The following TRIM2 variants were observed in gnomAD, a reference collection of about 807,000 sequenced individuals.
The protein encoded by TRIM2 is tripartite motif containing 2.
Under a neutral mutation model 75.2 loss-of-function variants are expected in TRIM2, and 20 were observed. The ratio of observed to expected loss-of-function variants is 0.27; its 90% CI spans 0.19 to 0.39. The LOEUF (loss-of-function observed/expected upper bound fraction) is 0.39, where lower values mean the gene tolerates loss of function less well. TRIM2 is among the 10% of genes least tolerant of loss of function. TRIM2 has a pLI of 1.00. For missense variants in TRIM2, 660 were observed against 990.8 expected (o/e 0.67, Z 4.48); for synonymous variants, 373 against 388.3 (o/e 0.96, Z 0.46).
At chr4:153,283,540 A>G (rs1389100425) in intron 3 of TRIM2, among the ~76,000 whole-genome samples, 1 of 152,132 alleles carries the variant, frequency 6.6e-6, no homozygotes, top group Non-Finnish European at 1.5e-5. Context: ...TTGTGTAGAC[A>G]TATGCTTTCA....
chr4:153,222,137 A>G (rs1187543678), intron 1 of TRIM2: 2 of 147,030 alleles, frequency 1.4e-5, no homozygotes, highest in South Asian at 2.2e-4. Flanking sequence ...GCCTAAAGAG[A>G]CAGTCATGAC....
At chr4:153,179,752 G>A (rs556463949) in intron 1 of TRIM2, among the ~76,000 whole-genome samples, 231 of 152,242 alleles carry the variant, frequency 1.5e-3, no homozygotes, top group African/African-American at 5.2e-3. Flanking sequence ...TTTTAAAGGG[G>A]TGTTTAGAAA....
chr4:153,333,032 A>T (rs1771836820), intron 11 of TRIM2, among the ~76,000 whole-genome samples: 1 of 152,236 alleles, frequency 6.6e-6, no homozygotes, highest in Non-Finnish European at 1.5e-5. Flanking sequence ...TGTTCATAGA[A>T]GATTTATTTG....
chr4:153,193,839 A>G (rs1397942145), intron 1 of TRIM2, among the ~76,000 whole-genome samples: 1 of 152,156 alleles, frequency 6.6e-6, no homozygotes, highest in Non-Finnish European at 1.5e-5. Context: ...GATGCTGCAG[A>G]GGAGGCAGTG....
chr4:153,333,483 T>C (rs78461869), intron 11 of TRIM2, among the ~76,000 whole-genome samples: 1,725 of 152,280 alleles, frequency 0.011, 31 homozygotes, highest in East Asian at 0.082. Flanking sequence ...ACCATAATTA[T>C]AGAAGATGTG....
intron 1 of TRIM2, among the ~76,000 whole-genome samples, chr4:153,244,601 G>C (rs75856020): frequency 6.6e-6 from 1 of 151,498 alleles, no homozygotes; most frequent in Non-Finnish European, 1.5e-5. Context: ...TTGATTCTTG[G>C]AATGGATTTA....
At chr4:153,312,714 T>A (rs988501295) in intron 6 of TRIM2, among the ~76,000 whole-genome samples, 3 of 152,062 alleles carry the variant, frequency 2.0e-5, no homozygotes, top group Non-Finnish European at 4.4e-5. Flanking sequence ...TGGGTATATA[T>A]CCAAAGGACT....
chr4:153,189,175 G>A (rs1732927971), intron 1 of TRIM2, among the ~76,000 whole-genome samples: 1 of 152,200 alleles, frequency 6.6e-6, no homozygotes, highest in African/African-American at 2.4e-5. Context: ...TAACTAGAAT[G>A]CTGTTGGCTT....
chr4:153,155,458 G>T (rs1441317190), intron 1 of TRIM2, among the ~76,000 whole-genome samples: 1 of 152,174 alleles, frequency 6.6e-6, no homozygotes, highest in Non-Finnish European at 1.5e-5. Context: ...AAATAATGAG[G>T]TGGAAAGAGG....
At chr4:153,313,221 G>A (rs1260714751) in intron 6 of TRIM2, among the ~76,000 whole-genome samples, 1 of 152,060 alleles carries the variant, frequency 6.6e-6, no homozygotes, top group Admixed American at 6.5e-5. Flanking sequence ...CATATTATGG[G>A]GATTCTATGT....
intron 1 of TRIM2, among the ~76,000 whole-genome samples, chr4:153,191,359 A>G (rs1342718512): frequency 1.3e-5 from 2 of 152,288 alleles, no homozygotes; most frequent in Non-Finnish European, 2.9e-5. Flanking sequence ...GCAAGATCAT[A>G]TAGCACAAAC....
chr4:153,304,393 C>T (rs1450763452), intron 6 of TRIM2, among the ~76,000 whole-genome samples: 5 of 151,974 alleles, frequency 3.3e-5, no homozygotes, highest in East Asian at 1.9e-4. Context: ...GGATTACAGG[C>T]GTGAGCCACC....
chr4:153,306,111 A>G (rs916259873), intron 6 of TRIM2, among the ~76,000 whole-genome samples: 25 of 151,622 alleles, frequency 1.6e-4, no homozygotes, highest in Admixed American at 6.6e-5. Context: ...CCTGGATGAC[A>G]GAGCAAGACT....
chr4:153,272,330 A>G (rs1756912273), intron 2 of TRIM2, among the ~76,000 whole-genome samples: 1 of 151,904 alleles, frequency 6.6e-6, no homozygotes, highest in Non-Finnish European at 1.5e-5. Flanking sequence ...TTGTATTTTT[A>G]GTAGAGACGA....
chr4:153,323,649 T>C (rs1769485180), intron 9 of TRIM2, among the ~76,000 whole-genome samples: 1 of 152,154 alleles, frequency 6.6e-6, no homozygotes, highest in Admixed American at 6.6e-5. Flanking sequence ...GTCCAGCTAA[T>C]CAATTTTTAA....
Position 153,295,208 on chromosome 4 carries a change from CT to C in TRIM2, c.787-104del. 7.0e-7 allele frequency: 1 copy of C among 1,419,378 alleles called. No individual in the cohort carries two copies. The allele number at this position is 1,419,378 out of a possible 1,614,324, so 87.9% of individuals were successfully genotyped here. ...ACAAACACCGCTTGCTCAGAGCCAC[CT>C]GCGTGGGCAGGTGTAGAGTCTCCTT... On this transcript the variant is annotated intron_variant, in intron 5 of 11. Coordinates refer to ENST00000338700, the MANE Select transcript of TRIM2 (RefSeq NM_015271.5). The surrounding 1 kb of genome is among the most constrained non-coding windows in gnomAD (Gnocchi z 7.2).
upstream of TRIM2, chr4:153,152,689 T>C (rs998708936): frequency 5.3e-5 from 8 of 152,004 alleles, no homozygotes; most frequent in African/African-American, 1.9e-4. Flanking sequence ...GCAGAGCAGT[T>C]GAATGAGCTT....
chr4:153,253,253 TTAG>T (rs1751287743), intron 1 of TRIM2, among the ~76,000 whole-genome samples: 1 of 152,110 alleles, frequency 6.6e-6, no homozygotes, highest in Non-Finnish European at 1.5e-5. Flanking sequence ...AGCCTAGAGA[TTAG>T]TGTTTCTCAA....
chr4:153,323,489 G>GTTTTGTTTTGTTTTGTT lies in TRIM2; in HGVS notation c.1952-580_1952-579insGTTTTGTTTTTTGTTTT, dbSNP rs1554002570. ...GTTTTCTGTTGTTTTGTTTTGTTTT[G>GTTTTGTTTTGTTTTGTT]TTTTGTTTTTGAGACAGGGTCTCGC... On this transcript the variant is annotated intron_variant, in intron 9 of 11. Transcript: ENST00000338700. 3.0e-3 allele frequency among the ~76,000 whole-genome samples: 461 copies of GTTTTGTTTTGTTTTGTT among 152,146 alleles called. 2 individuals are homozygous for GTTTTGTTTTGTTTTGTT. The highest frequency in any genetic ancestry group is 0.01 in the African/African-American group (435 of 41,482).
Sources: gnomAD v4.1 joint callset for allele counts (sites outside exome capture counted in the v4.1 genomes callset) on GRCh38, gnomAD v4.1.1 for gene constraint, Gnocchi (gnomAD v3.1) non-coding constraint, MANE v1.5 for transcripts, NCBI Gene and HGNC (gene_info 2026-07-23, HGNC 2026-07-21) for gene names.